ANKS4B: variants seen among roughly 807,000 people sequenced by gnomAD.
ANKS4B encodes the protein ankyrin repeat and sterile alpha motif domain containing 4B.
In ANKS4B, 21 loss-of-function variants were observed where a neutral mutation model predicts 20.2. The observed-to-expected ratio is 1.04, with a 90% CI of 0.74 to 1.50. ANKS4B has a LOEUF of 1.50. Ranked by LOEUF, ANKS4B falls within the 40% of genes most tolerant of loss-of-function variation. The pLI, the probability that ANKS4B is intolerant of heterozygous loss-of-function variation, is 0.00. For synonymous variants in ANKS4B, 179 were observed against 194.5 expected (o/e 0.92, Z 0.66); for missense variants, 473 against 494.6 (o/e 0.96, Z 0.41).
rs762420946 is a variant in ANKS4B at position 21,250,022 on chromosome 16, G to A, written c.456G>A (p.Arg152=). 3.1e-6 allele frequency: 5 copies of A among 1,614,140 alleles called. No individual in the cohort carries two copies. The highest frequency in any genetic ancestry group is 1.7e-6 in the Non-Finnish European group (2 of 1,180,008). Residue 152 remains arginine (R), a synonymous_variant, in exon 2 of 2, where the codon AGG becomes AGA. Coordinates refer to ENST00000311620, the MANE Select transcript of ANKS4B (RefSeq NM_145865.3). Reference sequence around the variant, plus strand: ...GGAGGCAGATCAAAGAGTGTGAGAGGCTCCAGGAGAAGCACCAAAATAAGA... The same window carrying A: ...GGAGGCAGATCAAAGAGTGTGAGAGACTCCAGGAGAAGCACCAAAATAAGA... ...NARRQIKECE[R]LQEKHQNKMA...
Position 21,244,624 on chromosome 16 carries a change from G to A in ANKS4B, c.165-5107G>A, listed in dbSNP as rs192346896. Among the ~76,000 whole-genome samples the A allele has an allele frequency of 6.6e-5, 10 of 152,160 alleles. No individual in the cohort carries two copies. The East Asian group carries it at 1.2e-3, about 18-fold the overall frequency. On this transcript the variant is annotated intron_variant, in intron 1 of 1. Transcript: ENST00000311620. Reference sequence around the variant, plus strand: ...TGTTTCTCTTTCTGTTGATAGTAACGTCTTGGGTGTTTTACAATCCCTCTT... The same window carrying A: ...TGTTTCTCTTTCTGTTGATAGTAACATCTTGGGTGTTTTACAATCCCTCTT...
chr16:21,239,802 G>A (rs1261447616), intron 1 of ANKS4B, among the ~76,000 whole-genome samples: 3 of 152,154 alleles, frequency 2.0e-5, no homozygotes, highest in Non-Finnish European at 2.9e-5. Flanking sequence ...GCGAGCTAAC[G>A]CAGGAACAGA....
At chr16:21,243,060 T>C (rs1331840248) in intron 1 of ANKS4B, among the ~76,000 whole-genome samples, 1 of 152,096 alleles carries the variant, frequency 6.6e-6, no homozygotes, top group Non-Finnish European at 1.5e-5. Context: ...TATTAGTGAG[T>C]CCAAATATTT....
At chr16:21,241,368 T>C (rs2093326328) in intron 1 of ANKS4B, among the ~76,000 whole-genome samples, 1 of 152,178 alleles carries the variant, frequency 6.6e-6, no homozygotes, top group African/African-American at 2.4e-5. Flanking sequence ...GATGGGATAA[T>C]GCATGCCACT....
At chr16:21,238,494 TATAC>T (rs1002141285) in intron 1 of ANKS4B, among the ~76,000 whole-genome samples, 1 of 152,008 alleles carries the variant, frequency 6.6e-6, no homozygotes, top group Non-Finnish European at 1.5e-5. Flanking sequence ...TATATATATA[TATAC>T]GTATAAGTCT....
chr16:21,242,080 T>C (rs963512228), intron 1 of ANKS4B, among the ~76,000 whole-genome samples: 1 of 152,204 alleles, frequency 6.6e-6, no homozygotes, highest in African/African-American at 2.4e-5. Context: ...TCATCATGTG[T>C]TACAATAGAT....
chr16:21,234,483 TACACACACACAC>T (rs34242527), intron 1 of ANKS4B, among the ~76,000 whole-genome samples: 22 of 124,722 alleles, frequency 1.8e-4, no homozygotes, highest in East Asian at 1.0e-3. Context: ...AGTGGATAGA[TACACACACACAC>T]ACACACACAC....
chr16:21,234,340 T>G lies in ANKS4B; in HGVS notation c.164+439T>G, dbSNP rs141730890. On this transcript the variant is annotated intron_variant, in intron 1 of 1. Coordinates refer to ENST00000311620, the MANE Select transcript of ANKS4B (RefSeq NM_145865.3). ...CCATCAAAATCTCACAGTCTTTTAT[T>G]AACTTTCAATCCCAGTGCAAGCTCA... Among the ~76,000 whole-genome samples, 65 of 152,302 alleles carry G rather than the reference T, an allele frequency of 4.3e-4. No individual in the cohort carries two copies. In the East Asian group the frequency reaches 0.012, roughly 29 times the overall value.
intron 1 of ANKS4B, among the ~76,000 whole-genome samples, chr16:21,239,353 T>A (rs1597603913): frequency 6.6e-6 from 1 of 152,132 alleles, no homozygotes; most frequent in South Asian, 2.1e-4. Context: ...GGCGGGTGGG[T>A]CATTTGAGGT....
rs905707947 is a variant in ANKS4B at position 21,253,588 on chromosome 16, C to T, written c.*2768C>T. The T allele has an allele frequency of 6.6e-6, 1 of 152,154 alleles. No homozygotes were observed. The highest frequency in any genetic ancestry group is 1.5e-5 in the Non-Finnish European group (1 of 68,036). The allele number at this position is 152,154 out of a possible 1,614,324, so 9.4% of individuals were successfully genotyped here. A position where few individuals can be genotyped will look rare whatever the true frequency, so the allele number is the denominator to read the frequency against. ...TCTGCCTAATGAGATATTTGCTCCA[C>T]CCCCTGCTGTAACTACATCATAGCA... On this transcript the variant is annotated 3_prime_UTR_variant, in exon 2 of 2. Coordinates refer to ENST00000311620, the MANE Select transcript of ANKS4B (RefSeq NM_145865.3).
At position 21,233,877 on chromosome 16, in the gene ANKS4B, C is replaced by G. The variant is rs2093316803; in HGVS notation, c.140C>G (p.Ala47Gly). The change falls in exon 1 of 2, where the codon GCC becomes GGC. Residue 47 changes from alanine (A) to glycine (G), a missense_variant. Coordinates refer to ENST00000311620, the MANE Select transcript of ANKS4B (RefSeq NM_145865.3). The part of the protein sequence containing the change: ...LLAAYHGNLE[A>G]LEIICSRGGD... ...GCAGCCTACCATGGGAACTTGGAAG[C>G]CCTAGAGATAATCTGCAGTAGAGGG... 6.2e-7 allele frequency: 1 copy of G among 1,613,288 alleles called. No homozygotes were observed. The highest frequency in any genetic ancestry group is 8.5e-7 in the Non-Finnish European group (1 of 1,179,628).
At chr16:21,233,946 A>G in intron 1 of ANKS4B, 45 bp downstream of exon 1, 1 of 1,551,672 alleles carries the variant, frequency 6.4e-7, no homozygotes. Flanking sequence ...TGTTCATGGT[A>G]GGTTTTTGCA....
rs754547960 is a variant in ANKS4B, at chr16:21,233,820, C to T, written c.83C>T (p.Ser28Leu). 39 of 1,613,938 alleles carry T rather than the reference C, an allele frequency of 2.4e-5. No individual in the cohort carries two copies. Among genetic ancestry groups the T allele is most frequent in the Admixed American group, 5.0e-5 (3 of 59,990 alleles). ...GCTACCAAGCGAGATCTAAATCTTT[C>T]GGATGAAGACGGCATGACTCCTACT... ...KEATKRDLNL[S>L]DEDGMTPTLL... The change falls in exon 1 of 2, where the codon TCG becomes TTG. Residue 28 changes from serine (S) to leucine (L), a missense_variant. Coordinates refer to ENST00000311620, the MANE Select transcript of ANKS4B (RefSeq NM_145865.3).
At chr16:21,239,153 TTGG>T (rs1481142953) in intron 1 of ANKS4B, among the ~76,000 whole-genome samples, 1 of 152,148 alleles carries the variant, frequency 6.6e-6, no homozygotes, top group Non-Finnish European at 1.5e-5. Flanking sequence ...TTATACACTG[TTGG>T]TGGGAGTGTA....
Position 21,253,611 on chromosome 16 carries a change from G to C in ANKS4B, c.*2791G>C, listed in dbSNP as rs1241728089. 2 of 152,164 alleles carry C rather than the reference G, an allele frequency of 1.3e-5. No homozygotes were observed. Among genetic ancestry groups the C allele is most frequent in the African/African-American group, 4.8e-5 (2 of 41,440 alleles). The allele number at this position is 152,164 out of a possible 1,614,324, so 9.4% of individuals were successfully genotyped here. On this transcript the variant is annotated 3_prime_UTR_variant, in exon 2 of 2. Transcript: ENST00000311620. The stretch of plus-strand genomic sequence containing the variant: ...CACCCCCTGCTGTAACTACATCATA[G>C]CAAGAGAGCCATCACTCAGGTTGGT...
chr16:21,237,734 CA>C (rs2093321963), intron 1 of ANKS4B, among the ~76,000 whole-genome samples: 1 of 152,186 alleles, frequency 6.6e-6, no homozygotes, highest in African/African-American at 2.4e-5. Context: ...GATTAAGTTT[CA>C]ACATGAATTC....
chr16:21,235,825 A>C (rs2093319668), intron 1 of ANKS4B, among the ~76,000 whole-genome samples: 1 of 152,156 alleles, frequency 6.6e-6, no homozygotes, highest in Admixed American at 6.5e-5. Flanking sequence ...GATCTTCCCC[A>C]TCTCTCTTGT....
rs201951492 is a variant in ANKS4B, at chr16:21,250,587, G to T, written c.1021G>T (p.Asp341Tyr). The T allele has an allele frequency of 1.2e-6, 2 of 1,614,158 alleles. No individual in the cohort carries two copies. Among genetic ancestry groups the T allele is most frequent in the Non-Finnish European group, 1.7e-6 (2 of 1,180,004 alleles). ...WDDDEVEWEE[D>Y]VVDATPLEVF... ...TGACGATGAAGTGGAGTGGGAGGAA[G>T]ATGTGGTCGATGCCACGCCCCTGGA... Residue 341 changes from aspartate (D) to tyrosine (Y), a missense_variant, in exon 2 of 2, where the codon GAT becomes TAT. Physicochemically the swap from Asp to Tyr is radical, Grantham distance 160. Transcript: ENST00000311620.
At chr16:21,239,361 G>A (rs1048897431) in intron 1 of ANKS4B, among the ~76,000 whole-genome samples, 1 of 152,092 alleles carries the variant, frequency 6.6e-6, no homozygotes, top group Admixed American at 6.5e-5. Context: ...GGTCATTTGA[G>A]GTCAGGAGTT....
Sources: allele counts gnomAD v4.1 joint callset (sites outside exome capture counted in the v4.1 genomes callset), GRCh38; gene constraint gnomAD v4.1.1; transcripts MANE v1.5; gene names NCBI Gene and HGNC (gene_info 2026-07-23, HGNC 2026-07-21).